Variants in ZFHX3 observed in about 807,000 individuals in gnomAD.
ZFHX3 encodes the protein zinc finger homeobox protein 3.
A neutral mutation model predicts 279.1 loss-of-function variants in ZFHX3; 42 were observed. The ratio of observed to expected loss-of-function variants is 0.15; its 90% confidence interval spans 0.12 to 0.19. The LOEUF (loss-of-function observed/expected upper bound fraction) is 0.19, where lower values mean the gene tolerates loss of function less well. ZFHX3 is among the 10% of genes least tolerant of loss of function. The probability of loss-of-function intolerance (pLI) is 1.00; values close to 1 mark genes in which losing one functional copy is unlikely to be tolerated. For synonymous variants in ZFHX3, 2,293 were observed against 1,957.8 expected, an observed-to-expected ratio of 1.17 and a Z score of -4.52; for missense variants, 4,981 against 4,754.0, an observed-to-expected ratio of 1.05 and a Z score of -1.40.
intron 2 of ZFHX3, among the ~76,000 whole-genome samples, chr16:73,603,528 G>C (rs895489030): frequency 6.6e-6 from 1 of 152,030 alleles, no homozygotes; most frequent in Non-Finnish European, 1.5e-5. Context: ...TAATAAGAAT[G>C]TAAGTTGACA....
At chr16:72,834,624 C>G (rs1444654745) in intron 4 of ZFHX3, among the ~76,000 whole-genome samples, 4 of 152,176 alleles carry the variant, frequency 2.6e-5, no homozygotes, top group African/African-American at 9.7e-5. Flanking sequence ...AGCATGCCAA[C>G]TGGCAGCCCC....
chr16:73,646,596 T>C (rs564024023), intron 2 of ZFHX3, among the ~76,000 whole-genome samples: 2 of 152,234 alleles, frequency 1.3e-5, no homozygotes, highest in African/African-American at 2.4e-5. Flanking sequence ...CAATTAATAT[T>C]AGGAAATAGA....
chr16:73,487,299 G>A (rs374899172), intron 2 of ZFHX3: 38 of 322,822 alleles, frequency 1.2e-4, no homozygotes, highest in East Asian at 2.5e-4. Context: ...TGGGTGTGGC[G>A]CTGTAGGGTG....
chr16:73,685,021 TATTA>T (rs760962240), intron 1 of ZFHX3, among the ~76,000 whole-genome samples: 4 of 145,932 alleles, frequency 2.7e-5, no homozygotes, highest in East Asian at 2.0e-4. Flanking sequence ...TTTTATTTAT[TATTA>T]TTTTTTTTGA....
At chr16:73,242,131 A>C (rs74795550) in intron 5 of ZFHX3, among the ~76,000 whole-genome samples, 1 of 152,184 alleles carries the variant, frequency 6.6e-6, no homozygotes, top group Admixed American at 6.6e-5. Context: ...GAGATACGGA[A>C]GACTGGAGTT....
intron 5 of ZFHX3, among the ~76,000 whole-genome samples, chr16:73,187,507 G>A (rs1178038249): frequency 6.6e-6 from 1 of 152,178 alleles, no homozygotes; most frequent in Non-Finnish European, 1.5e-5. Flanking sequence ...ATGTTTTAGA[G>A]GAAAGAGAAA....
At chr16:72,850,795 A>G (rs2037596283) in intron 4 of ZFHX3, among the ~76,000 whole-genome samples, 1 of 152,080 alleles carries the variant, frequency 6.6e-6, no homozygotes, top group African/African-American at 2.4e-5. Context: ...AAAGCCTAAA[A>G]TTAAAAAAAA....
At chr16:73,296,065 A>C in intron 4 of ZFHX3, among the ~76,000 whole-genome samples, 1 of 125,256 alleles carries the variant, frequency 8.0e-6, no homozygotes, top group African/African-American at 3.2e-5. Context: ...TTTCATTACA[A>C]TCCCGTGTGT....
intron 2 of ZFHX3, among the ~76,000 whole-genome samples, chr16:73,527,610 C>A (rs911841580): frequency 6.6e-6 from 1 of 152,212 alleles, no homozygotes; most frequent in African/African-American, 2.4e-5. Flanking sequence ...TGGGTTGTCA[C>A]TTCTGAGGCT....
intron 7 of ZFHX3, 35 bp downstream of exon 7, chr16:72,811,542 G>A: frequency 6.5e-7 from 1 of 1,532,472 alleles, no homozygotes; most frequent in Non-Finnish European, 8.8e-7. Flanking sequence ...TGACCCTGGA[G>A]AAAGACCACA....
chr16:73,209,109 C>A (rs1320809249), intron 5 of ZFHX3, among the ~76,000 whole-genome samples: 2 of 152,024 alleles, frequency 1.3e-5, no homozygotes, highest in Admixed American at 1.3e-4. Flanking sequence ...CCAAACAACA[C>A]AAAAACAAGA....
At chr16:73,724,385 G>T (rs1377824666) in intron 1 of ZFHX3, among the ~76,000 whole-genome samples, 1 of 152,192 alleles carries the variant, frequency 6.6e-6, no homozygotes, top group Admixed American at 6.5e-5. Flanking sequence ...ACCCACAGAT[G>T]AATTTTGTTT....
At chr16:73,371,407 CAG>C (rs1054904974) in intron 3 of ZFHX3, among the ~76,000 whole-genome samples, 1 of 151,982 alleles carries the variant, frequency 6.6e-6, no homozygotes, top group Non-Finnish European at 1.5e-5. Flanking sequence ...TTTTTTGAGA[CAG>C]AGTCTCGCCC....
At chr16:73,574,493 T>C (rs1274168030) in intron 2 of ZFHX3, among the ~76,000 whole-genome samples, 1 of 152,214 alleles carries the variant, frequency 6.6e-6, no homozygotes, top group African/African-American at 2.4e-5. Flanking sequence ...TCAAATTCTT[T>C]GGGAGTAGAG....
At chr16:73,172,458 ACT>A (rs1382156732) in intron 5 of ZFHX3, among the ~76,000 whole-genome samples, 1 of 151,862 alleles carries the variant, frequency 6.6e-6, no homozygotes, top group Non-Finnish European at 1.5e-5. Flanking sequence ...GCCGTGTGAG[ACT>A]CTAATGGGCC....
chr16:73,664,104 A>G (rs930337379), intron 2 of ZFHX3, among the ~76,000 whole-genome samples: 11 of 152,236 alleles, frequency 7.2e-5, no homozygotes, highest in Non-Finnish European at 2.9e-5. Flanking sequence ...AAAGAAAAGG[A>G]AAGAAGTGTG....
rs553586052 is a variant in ZFHX3, at chr16:73,674,837, T to C, written c.-1547+5343A>G. On this transcript the variant is annotated intron_variant, in intron 2 of 17. Transcript: ENST00000641206. ...GCTATCAGGAAAAAAACAGCCCCAG[T>C]TGACTTCTCAGCTGACTATAACCAC... 3.9e-4 allele frequency among the ~76,000 whole-genome samples: 59 copies of C among 152,306 alleles called. No individual in the cohort carries two copies. In the South Asian group the frequency reaches 0.011, roughly 28 times the overall value.
intron 2 of ZFHX3, among the ~76,000 whole-genome samples, chr16:73,548,007 G>T (rs2020149195): frequency 6.6e-6 from 1 of 152,172 alleles, no homozygotes; most frequent in South Asian, 2.1e-4. Flanking sequence ...ACCCCATTTT[G>T]GTTGCTCTGT....
chr16:73,518,258 T>C (rs2019556017), intron 2 of ZFHX3, among the ~76,000 whole-genome samples: 1 of 152,248 alleles, frequency 6.6e-6, no homozygotes, highest in African/African-American at 2.4e-5. Flanking sequence ...CTTAAAGTGC[T>C]GATCTAAGAC....
Sources: gnomAD v4.1 joint callset for allele counts (sites outside exome capture counted in the v4.1 genomes callset) on GRCh38, gnomAD v4.1.1 for gene constraint, MANE v1.5 for transcripts, NCBI Gene and HGNC (gene_info 2026-07-23, HGNC 2026-07-21) for gene names.